The following NAP1L1 variants were observed in gnomAD, a reference collection of about 807,000 sequenced individuals.
NAP1L1 encodes nucleosome assembly protein 1-like 1.
NAP1L1 carries 9 observed loss-of-function variants against 58.9 expected under a neutral mutation model. The observed-to-expected ratio is 0.15, with a 90% confidence interval of 0.09 to 0.27. The LOEUF is 0.27. NAP1L1 is among the 10% of genes least tolerant of loss of function. The pLI is 1.00. For missense variants in NAP1L1, 302 were observed against 458.8 expected, an observed-to-expected ratio of 0.66 and a Z score of 3.12; for synonymous variants, 130 against 138.3, an observed-to-expected ratio of 0.94 and a Z score of 0.42.
intron 1 of NAP1L1, among the ~76,000 whole-genome samples, chr12:76,081,209 A>AT (rs1950394079): frequency 1.3e-5 from 2 of 152,020 alleles, no homozygotes; most frequent in African/African-American, 4.8e-5. Context: ...TTATCTCATC[A>AT]TAAGTTATCA....
intron 9 of NAP1L1, 33 bp from the exon 10 acceptor site, chr12:76,053,383 T>C (rs768174452): frequency 1.4e-5 from 23 of 1,594,834 alleles, no homozygotes; most frequent in African/African-American, 4.1e-5. Context: ...TCTATTACAA[T>C]TGACAATCTT....
At chr12:76,067,331 G>C (rs1949727780) in intron 4 of NAP1L1, 40 bp downstream of exon 4, 2 of 1,472,122 alleles carry the variant, frequency 1.4e-6, no homozygotes, top group Non-Finnish European at 1.9e-6. Context: ...CTGCAACGTT[G>C]ATTATAGAAA....
intron 4 of NAP1L1, among the ~76,000 whole-genome samples, chr12:76,066,517 C>CA (rs1949681012): frequency 6.6e-6 from 1 of 151,420 alleles, no homozygotes; most frequent in Non-Finnish European, 1.5e-5. Context: ...AAAAGGGTAC[C>CA]AATGGGCAAC....
rs574317673 is a variant in NAP1L1, at chr12:76,046,714, A to G, written c.*1715T>C. 1 of 152,588 alleles carries G rather than the reference A, an allele frequency of 6.6e-6. No homozygotes were observed. The highest frequency in any genetic ancestry group is 2.1e-4 in the South Asian group (1 of 4,824). 9.5% of individuals were successfully genotyped at this position (152,588 alleles called of 1,614,324 possible). A position where few individuals can be genotyped will look rare whatever the true frequency, so the allele number is the denominator to read the frequency against. Reference sequence around the variant, plus strand: ...AAAATCAATTCAATGTAATTTTATTAAGAGCAGGAAATCTAGACCTTCCTC... The same window carrying G: ...AAAATCAATTCAATGTAATTTTATTGAGAGCAGGAAATCTAGACCTTCCTC... On this transcript the variant is annotated 3_prime_UTR_variant, in exon 15 of 15. Transcript: ENST00000618691.
chr12:76,053,937 T>G (rs1665061711), intron 8 of NAP1L1, 28 bp from the exon 9 acceptor site: 1 of 1,587,320 alleles, frequency 6.3e-7, no homozygotes, highest in East Asian at 2.3e-5. Context: ...AAAAATCAGT[T>G]AAATACCTAC....
chr12:76,061,181 G>C (rs1183575707), intron 4 of NAP1L1: 1 of 227,422 alleles, frequency 4.4e-6, no homozygotes, highest in African/African-American at 2.3e-5. Flanking sequence ...TTTATTTTAG[G>C]TTTAGGGGTG....
intron 5 of NAP1L1, 77 bp downstream of exon 5, chr12:76,060,061 C>T: frequency 6.8e-7 from 1 of 1,465,534 alleles, no homozygotes; most frequent in Non-Finnish European, 9.3e-7. Flanking sequence ...TAAAGATTAA[C>T]CTCTTCCAAG....
chr12:76,048,322 T>G lies in NAP1L1; in HGVS notation c.*107A>C, dbSNP rs1948668900. The G allele has an allele frequency of 1.5e-6, 2 of 1,295,520 alleles. No homozygotes were observed. Among genetic ancestry groups the G allele is most frequent in the Non-Finnish European group, 2.2e-6 (2 of 924,294 alleles). 80.3% of individuals were successfully genotyped at this position (1,295,520 alleles called of 1,614,324 possible). Reference sequence around the variant, plus strand: ...CAGTTTCCTGTCCTTTAAAAAAAAATTACCTAGTCTACCAAGAAAATACAA... The same window carrying G: ...CAGTTTCCTGTCCTTTAAAAAAAAAGTACCTAGTCTACCAAGAAAATACAA... On this transcript the variant is annotated 3_prime_UTR_variant, in exon 15 of 15. Transcript: ENST00000618691.
In NAP1L1 at chr12:76,036,638, A is replaced by G. The variant is rs1474799368; in HGVS notation, c.*11791T>C. On this transcript the variant is annotated 3_prime_UTR_variant, in exon 15 of 15. Transcript: ENST00000618691. ...AATGATTACAAAATTCTGATCTGTA[A>G]ACCAATTTGCAATATACAGTAGAAA... The G allele has an allele frequency of 6.6e-6, 1 of 152,226 alleles. No homozygotes were observed. The highest frequency in any genetic ancestry group is 1.5e-5 in the Non-Finnish European group (1 of 68,034). 9.4% of individuals were successfully genotyped at this position (152,226 alleles called of 1,614,324 possible). A position where few individuals can be genotyped will look rare whatever the true frequency, so the allele number is the denominator to read the frequency against.
intron 2 of NAP1L1, among the ~76,000 whole-genome samples, chr12:76,072,535 A>C (rs76631715): frequency 0.013 from 2,046 of 152,266 alleles, 42 homozygotes; most frequent in African/African-American, 0.047. Flanking sequence ...TCAATCAAGA[A>C]TATCCCTGAA....
chr12:76,071,974 T>A lies in NAP1L1; in HGVS notation c.17+2229A>T, dbSNP rs186968234. On this transcript the variant is annotated intron_variant, in intron 2 of 14. Coordinates refer to ENST00000618691, the MANE Select transcript of NAP1L1 (RefSeq NM_004537.7). ...TGACTAGCCCAGAAAAAAAAAAAAA[T>A]GACCATTCTAACACTGGGGTTTCTA... Among the ~76,000 whole-genome samples the A allele has an allele frequency of 3.6e-3, 484 of 133,100 alleles. 2 individuals carry two copies. Among genetic ancestry groups the A allele is most frequent in the African/African-American group, 0.013 (456 of 35,444 alleles). The allele number at this position is 133,100 out of a possible 152,430, so 87.3% of individuals were successfully genotyped here.
At chr12:76,079,433 G>A (rs1319402248) in intron 1 of NAP1L1, among the ~76,000 whole-genome samples, 2 of 152,090 alleles carry the variant, frequency 1.3e-5, no homozygotes, top group Non-Finnish European at 2.9e-5. Context: ...CCAGGAGTTT[G>A]AGGTTACAGT....
At chr12:76,082,751 G>T (rs1249935434) in intron 1 of NAP1L1, among the ~76,000 whole-genome samples, 1 of 152,046 alleles carries the variant, frequency 6.6e-6, no homozygotes, top group Admixed American at 6.6e-5. Context: ...ACTTCCCTTC[G>T]ATTTTTAAAT....
In NAP1L1 at chr12:76,044,996, C is replaced by T. The variant is rs1948585886; in HGVS notation, c.*3433G>A. 3 of 152,080 alleles carry T rather than the reference C, an allele frequency of 2.0e-5. No individual in the cohort carries two copies. Among genetic ancestry groups the T allele is most frequent in the African/African-American group, 7.2e-5 (3 of 41,442 alleles). The allele number at this position is 152,080 out of a possible 1,614,324, so 9.4% of individuals were successfully genotyped here. A position where few individuals can be genotyped will look rare whatever the true frequency, so the allele number is the denominator to read the frequency against. On this transcript the variant is annotated 3_prime_UTR_variant, in exon 15 of 15. Transcript: ENST00000618691. ...TAACTGCAGTATTATTTCACCATCA[C>T]CATTTACATGTACTTTTCAGGTATC...
At chr12:76,062,528 T>C (rs1949463999) in intron 4 of NAP1L1, among the ~76,000 whole-genome samples, 1 of 152,138 alleles carries the variant, frequency 6.6e-6, no homozygotes, top group South Asian at 2.1e-4. Flanking sequence ...AGAATGTAAA[T>C]ATACTTAGAG....
intron 1 of NAP1L1, among the ~76,000 whole-genome samples, chr12:76,080,383 G>A (rs1161711535): frequency 6.6e-6 from 1 of 152,140 alleles, no homozygotes; most frequent in Non-Finnish European, 1.5e-5. Flanking sequence ...TGTGGTTAGA[G>A]TACACTCCAA....
intron 11 of NAP1L1, among the ~76,000 whole-genome samples, chr12:76,051,818 C>T (rs978634488): frequency 3.3e-5 from 5 of 152,088 alleles, no homozygotes; most frequent in African/African-American, 1.2e-4. Flanking sequence ...AGTTCAAGAC[C>T]AGCCTGGCCA....
rs1205053535 is a variant in NAP1L1, at chr12:76,046,276, C to T, written c.*2153G>A. ...TTTGGAACTGGAAAAATGGCATAAA[C>T]ACTGACGTCCCTTAAAACTTCAATT... On this transcript the variant is annotated 3_prime_UTR_variant, in exon 15 of 15. Coordinates refer to ENST00000618691, the MANE Select transcript of NAP1L1 (RefSeq NM_004537.7). 6.6e-6 allele frequency: 1 copy of T among 152,202 alleles called. No homozygotes were observed. Among genetic ancestry groups the T allele is most frequent in the African/African-American group, 2.4e-5 (1 of 41,388 alleles). The allele number at this position is 152,202 out of a possible 1,614,324, so 9.4% of individuals were successfully genotyped here.
rs1948572394 is a variant in NAP1L1, at chr12:76,043,675, TG to T, written c.*4753del. 1.3e-5 allele frequency: 2 copies of T among 152,132 alleles called. No individual in the cohort carries two copies. Among genetic ancestry groups the T allele is most frequent in the Admixed American group, 1.3e-4 (2 of 15,268 alleles). 9.4% of individuals were successfully genotyped at this position (152,132 alleles called of 1,614,324 possible). A position where few individuals can be genotyped will look rare whatever the true frequency, so the allele number is the denominator to read the frequency against. On this transcript the variant is annotated 3_prime_UTR_variant, in exon 15 of 15. Transcript: ENST00000618691. The stretch of plus-strand genomic sequence containing the variant: ...TCCTTGAATGTAGCCTCAATTGTTC[TG>T]TTCTGGGACCTTTGCCTGTATTTCC...
Sources: allele counts gnomAD v4.1 joint callset (sites outside exome capture counted in the v4.1 genomes callset), GRCh38; gene constraint gnomAD v4.1.1; transcripts MANE v1.5; gene names NCBI Gene and HGNC (gene_info 2026-07-23, HGNC 2026-07-21).